The following C8orf34 variants were observed in gnomAD, a reference collection of about 807,000 sequenced individuals.
C8orf34 encodes uncharacterized protein C8orf34.
C8orf34 carries 65 observed loss-of-function variants against 68.3 expected under a neutral mutation model. That is an observed-to-expected ratio of 0.95 (90% CI 0.78 to 1.17). The LOEUF (loss-of-function observed/expected upper bound fraction) is 1.17. C8orf34 is among the 50% of genes most tolerant of loss of function. The pLI is 0.00. For missense variants in C8orf34, 664 were observed against 655.4 expected, an observed-to-expected ratio of 1.01 and a Z score of -0.14; for synonymous variants, 244 against 241.2, an observed-to-expected ratio of 1.01 and a Z score of -0.11.
At chr8:68,624,203 C>T (rs934828245) in intron 7 of C8orf34, among the ~76,000 whole-genome samples, 5 of 147,706 alleles carry the variant, frequency 3.4e-5, no homozygotes, top group African/African-American at 5.0e-5. Flanking sequence ...ATCTGGGAGG[C>T]GGAGCTTGCA....
chr8:68,754,596 C>T lies in C8orf34; in HGVS notation c.1405-21803C>T, dbSNP rs1245021898. 2.0e-5 allele frequency among the ~76,000 whole-genome samples: 3 copies of T among 152,172 alleles called. No homozygotes were observed. The East Asian group carries it at 5.8e-4, about 29-fold the overall frequency. On this transcript the variant is annotated intron_variant, in intron 10 of 13. Transcript: ENST00000518698. ...GGAAGAATACCCAAGGCTGTCCCAGCCACAGTGAATTAACGTCTGAGCTAA... is the reference window on the plus strand; with the variant it reads ...GGAAGAATACCCAAGGCTGTCCCAGTCACAGTGAATTAACGTCTGAGCTAA...
chr8:68,726,673 A>C (rs1437392943), intron 10 of C8orf34, among the ~76,000 whole-genome samples: 1 of 152,162 alleles, frequency 6.6e-6, no homozygotes, highest in African/African-American at 2.4e-5. Flanking sequence ...ACAGCTCCAC[A>C]TGGGTGGGGA....
chr8:68,651,709 A>T (rs1400832867), intron 8 of C8orf34, among the ~76,000 whole-genome samples: 1 of 152,202 alleles, frequency 6.6e-6, no homozygotes, highest in African/African-American at 2.4e-5. Context: ...CTGGGTACAC[A>T]TGGACATAAG....
intron 8 of C8orf34, among the ~76,000 whole-genome samples, chr8:68,677,821 G>A (rs1820240570): frequency 6.6e-6 from 1 of 152,096 alleles, no homozygotes; most frequent in Non-Finnish European, 1.5e-5. Context: ...AAACAAAAAT[G>A]AAATTGACAG....
chr8:68,455,809 G>A (rs1586173360), intron 3 of C8orf34, among the ~76,000 whole-genome samples: 1 of 151,472 alleles, frequency 6.6e-6, no homozygotes. Context: ...AATATTGCCT[G>A]GAATAAATAT....
intron 6 of C8orf34, among the ~76,000 whole-genome samples, chr8:68,526,700 A>AAAG (rs1302569286): frequency 2.6e-5 from 4 of 151,518 alleles, no homozygotes; most frequent in Admixed American, 1.3e-4. Flanking sequence ...AAAAAAAAAA[A>AAAG]GGACACAGGT....
intron 4 of C8orf34, among the ~76,000 whole-genome samples, chr8:68,479,062 A>G (rs1812744409): frequency 6.6e-6 from 1 of 152,192 alleles, no homozygotes. Context: ...AATGAAATAT[A>G]AAGGGTGTAT....
chr8:68,600,309 C>T (rs975330854), intron 7 of C8orf34, among the ~76,000 whole-genome samples: 5 of 152,072 alleles, frequency 3.3e-5, no homozygotes, highest in Admixed American at 6.6e-5. Context: ...ATTCCCCTTG[C>T]GGCACTGAGC....
At position 68,797,611 on chromosome 8, in the gene C8orf34, T is replaced by C. The variant is rs191975789; in HGVS notation, c.1549+10075T>C. Among the ~76,000 whole-genome samples, 10 of 152,288 alleles carry C rather than the reference T, an allele frequency of 6.6e-5. No homozygotes were observed. In the East Asian group the frequency reaches 1.7e-3, roughly 26 times the overall value. On this transcript the variant is annotated intron_variant, in intron 12 of 13. Transcript: ENST00000518698. ...TTGTTTCCAGGCAGTCTCCCAAGAT[T>C]TGTATTTGAGCAATATTTGAGATAG...
intron 7 of C8orf34, among the ~76,000 whole-genome samples, chr8:68,556,923 T>C (rs904123983): frequency 2.0e-5 from 3 of 152,208 alleles, no homozygotes; most frequent in African/African-American, 7.2e-5. Flanking sequence ...ATATTTGCTT[T>C]CTCATAAAAT....
intron 1 of C8orf34, among the ~76,000 whole-genome samples, chr8:68,402,059 G>A (rs1325354760): frequency 6.6e-6 from 1 of 151,974 alleles, no homozygotes; most frequent in Non-Finnish European, 1.5e-5. Flanking sequence ...TGTTGTTGTG[G>A]GAGATTTTTA....
At chr8:68,690,859 G>C (rs931734218) in intron 8 of C8orf34, among the ~76,000 whole-genome samples, 14 of 151,998 alleles carry the variant, frequency 9.2e-5, no homozygotes, top group African/African-American at 3.4e-4. Flanking sequence ...TATGTGGGGA[G>C]GCTAAAGAAA....
At chr8:68,646,101 C>T (rs1316426309) in intron 8 of C8orf34, among the ~76,000 whole-genome samples, 4 of 152,202 alleles carry the variant, frequency 2.6e-5, no homozygotes, top group African/African-American at 9.6e-5. Context: ...ATCTGTTATG[C>T]TTTTCTCTTG....
At chr8:68,734,068 C>A (rs1822058547) in intron 10 of C8orf34, among the ~76,000 whole-genome samples, 1 of 151,840 alleles carries the variant, frequency 6.6e-6, no homozygotes, top group East Asian at 1.9e-4. Context: ...AGTAAGAATA[C>A]AAGCATATTT....
intron 7 of C8orf34, among the ~76,000 whole-genome samples, chr8:68,611,857 C>A (rs902186047): frequency 6.6e-6 from 1 of 152,114 alleles, no homozygotes; most frequent in African/African-American, 2.4e-5. Flanking sequence ...TGAGCAGTGG[C>A]CCCCAAGAGG....
intron 10 of C8orf34, among the ~76,000 whole-genome samples, chr8:68,732,212 C>T (rs1418092359): frequency 1.3e-5 from 2 of 152,080 alleles, no homozygotes; most frequent in African/African-American, 4.8e-5. Flanking sequence ...CAGAGGAAGG[C>T]CATTAGGCAT....
intron 11 of C8orf34, among the ~76,000 whole-genome samples, chr8:68,779,376 G>A (rs554353722): frequency 8.5e-5 from 13 of 152,278 alleles, no homozygotes; most frequent in Non-Finnish European, 1.2e-4. Flanking sequence ...CTAGACTGAA[G>A]TCAGTGATTT....
At chr8:68,534,288 C>G (rs555729124) in intron 7 of C8orf34, 164 of 985,254 alleles carry the variant, frequency 1.7e-4, no homozygotes, top group Non-Finnish European at 4.2e-5. Flanking sequence ...CCAATTGGGT[C>G]TTTTCCTCAC....
At position 68,644,147 on chromosome 8, in the gene C8orf34, A is replaced by G. The variant is rs80326468; in HGVS notation, c.1241+3636A>G. 8.4e-3 allele frequency among the ~76,000 whole-genome samples: 1,276 copies of G among 152,310 alleles called. 31 individuals carry two copies. The highest frequency in any genetic ancestry group is 0.028 in the African/African-American group (1,149 of 41,562). On this transcript the variant is annotated intron_variant, in intron 8 of 13. Transcript: ENST00000518698. Reference sequence around the variant, plus strand: ...TAACAGGAGAAAAGGTCTACAAATTAATTATGAACTAAGTGGCATCACAGG... The same window carrying G: ...TAACAGGAGAAAAGGTCTACAAATTGATTATGAACTAAGTGGCATCACAGG...
Sources: gnomAD v4.1 joint callset for allele counts (sites outside exome capture counted in the v4.1 genomes callset) on GRCh38, gnomAD v4.1.1 for gene constraint, MANE v1.5 for transcripts, NCBI Gene and HGNC (gene_info 2026-07-23, HGNC 2026-07-21) for gene names.